The following TANC2 variants were observed in gnomAD, a reference collection of about 807,000 sequenced individuals.
TANC2 encodes the protein protein TANC2.
In TANC2, 26 loss-of-function variants were observed where a neutral mutation model predicts 210.5. The ratio of observed to expected loss-of-function variants is 0.12; its 90% CI spans 0.09 to 0.17. The LOEUF is 0.17. TANC2 is among the 10% of genes least tolerant of loss of function. The probability of loss-of-function intolerance (pLI) is 1.00; values close to 1 mark genes in which losing one functional copy is unlikely to be tolerated. For missense variants in TANC2, 2,129 were observed against 2,608.9 expected (o/e 0.82, Z 4.01); for synonymous variants, 931 against 967.1 (o/e 0.96, Z 0.69).
At chr17:63,400,719 C>T (rs2048317259) in intron 19 of TANC2, among the ~76,000 whole-genome samples, 1 of 151,934 alleles carries the variant, frequency 6.6e-6, no homozygotes, top group Admixed American at 6.6e-5. Context: ...TCTCGGCTCA[C>T]TGCAACCTCT....
chr17:63,427,277 T>C (rs1291226079), exon 28 of TANC2: 1 of 152,278 alleles, frequency 6.6e-6, no homozygotes, highest in East Asian at 1.9e-4. Context: ...TGTACTAATA[T>C]GATTTTGATT....
intron 2 of TANC2, among the ~76,000 whole-genome samples, chr17:63,050,004 G>A (rs181875850): frequency 1.3e-5 from 2 of 152,114 alleles, no homozygotes; most frequent in Non-Finnish European, 2.9e-5. Flanking sequence ...AGAGGAGCAG[G>A]TTCCTGGAGG....
At chr17:63,393,659 G>A (rs963014437) in intron 17 of TANC2, 2 of 152,004 alleles carry the variant, frequency 1.3e-5, no homozygotes, top group Admixed American at 6.6e-5. Context: ...ATATCTTTTA[G>A]GGTTATGCTT....
chr17:63,276,743 T>A (rs910537445), intron 9 of TANC2, among the ~76,000 whole-genome samples: 12 of 152,150 alleles, frequency 7.9e-5, no homozygotes, highest in African/African-American at 2.9e-4. Flanking sequence ...AAGACAAATG[T>A]TAACAGTGAG....
intron 8 of TANC2, among the ~76,000 whole-genome samples, chr17:63,260,937 A>G (rs1027129933): frequency 4.6e-5 from 7 of 151,932 alleles, no homozygotes; most frequent in Admixed American, 3.9e-4. Flanking sequence ...ATTTGATAAT[A>G]TAAATAATTG....
chr17:63,080,208 C>T (rs1039321412), intron 3 of TANC2, among the ~76,000 whole-genome samples: 27 of 152,046 alleles, frequency 1.8e-4, no homozygotes, highest in African/African-American at 5.6e-4. Context: ...TCCTGGAATT[C>T]GGATTCTGTA....
chr17:63,420,677 G>T lies in TANC2; in HGVS notation c.4947G>T (p.Gln1649His), dbSNP rs747257403. Residue 1649 changes from glutamine to histidine, a missense_variant, in exon 28 of 28, where the codon CAG (glutamine) becomes CAT (histidine). By Grantham distance (24) the Gln-to-His change is conservative. Around this residue, in one of 5 missense-constraint regions of TANC2, gnomAD observed 584 missense variants for 627.3 expected, o/e 0.93. Transcript: ENST00000689528. This position sits in a 1 kb window ranked among gnomAD's most constrained non-coding sequence, Gnocchi z 4.2. ...AGTCTGGTTCACCCGTGCGCTATCA[G>T]CAGGAAACAAGCGTCAGTCAGCTTC... The T allele has an allele frequency of 6.2e-7, 1 of 1,613,748 alleles. No homozygotes were observed. The highest frequency in any genetic ancestry group is 8.5e-7 in the Non-Finnish European group (1 of 1,179,764).
At chr17:63,146,721 G>A (rs1409496414) in intron 4 of TANC2, among the ~76,000 whole-genome samples, 1 of 151,834 alleles carries the variant, frequency 6.6e-6, no homozygotes, top group East Asian at 1.9e-4. Flanking sequence ...TTATTTTAAT[G>A]CCCTTATATT....
At chr17:63,333,498 T>C (rs1227014610) in intron 11 of TANC2, among the ~76,000 whole-genome samples, 4 of 152,178 alleles carry the variant, frequency 2.6e-5, no homozygotes, top group South Asian at 2.1e-4. Flanking sequence ...TTGCTTCCTA[T>C]GGAAGAGCAA....
chr17:63,116,161 T>C (rs967214866), intron 4 of TANC2, among the ~76,000 whole-genome samples: 1 of 152,212 alleles, frequency 6.6e-6, no homozygotes, highest in African/African-American at 2.4e-5. Context: ...CACAGAGATA[T>C]GATATAGAAC....
chr17:63,162,602 A>G (rs1458066532), intron 5 of TANC2, among the ~76,000 whole-genome samples: 5 of 152,158 alleles, frequency 3.3e-5, no homozygotes, highest in Non-Finnish European at 1.5e-5. Flanking sequence ...AAAAGCAAAA[A>G]TGAAGGGGTT....
intron 21 of TANC2, among the ~76,000 whole-genome samples, chr17:63,410,455 G>A (rs561596301): frequency 2.0e-5 from 3 of 151,170 alleles, no homozygotes; most frequent in South Asian, 4.2e-4. Context: ...GTGTCCTCTC[G>A]TGTTTATTTC....
intron 4 of TANC2, among the ~76,000 whole-genome samples, chr17:63,115,037 C>A (rs954749299): frequency 6.6e-6 from 1 of 152,150 alleles, no homozygotes; most frequent in Non-Finnish European, 1.5e-5. Flanking sequence ...CTCTCTAATG[C>A]AAAGATCTGC....
At chr17:63,303,081 G>A (rs1047716330) in intron 9 of TANC2, among the ~76,000 whole-genome samples, 5 of 151,940 alleles carry the variant, frequency 3.3e-5, no homozygotes, top group African/African-American at 4.8e-5. Context: ...TTTTAATTGG[G>A]GCATTTAGTC....
chr17:63,322,601 A>G lies in TANC2; in HGVS notation c.1575+3511A>G, dbSNP rs1375792930. 7.2e-5 allele frequency among the ~76,000 whole-genome samples: 11 copies of G among 152,390 alleles called. No individual in the cohort carries two copies. The East Asian group carries it at 2.1e-3, about 29-fold the overall frequency. On this transcript the variant is annotated intron_variant, in intron 11 of 27. Coordinates refer to ENST00000689528, the Ensembl canonical transcript of TANC2. ...ATTCAGTTATTCAGTTTAGATATAC[A>G]TTTGAAGGACCTATAGTCCAGGACT...
chr17:63,393,244 G>A (rs117056951), intron 17 of TANC2: 2 of 152,004 alleles, frequency 1.3e-5, no homozygotes, highest in Non-Finnish European at 2.9e-5. Context: ...TATATTTTTG[G>A]CAAGAATACC....
intron 2 of TANC2, among the ~76,000 whole-genome samples, chr17:63,066,394 G>A (rs1481066171): frequency 6.6e-6 from 1 of 152,108 alleles, no homozygotes; most frequent in Non-Finnish European, 1.5e-5. Flanking sequence ...GCAGGGTCTA[G>A]CCTGGAGCCT....
At chr17:63,403,789 T>C (rs2048414714) in intron 19 of TANC2, among the ~76,000 whole-genome samples, 1 of 152,234 alleles carries the variant, frequency 6.6e-6, no homozygotes, top group South Asian at 2.1e-4. Flanking sequence ...CATAAGTCCT[T>C]CTTATCCTTG....
chr17:63,118,190 T>C (rs2038325293), intron 4 of TANC2, among the ~76,000 whole-genome samples: 2 of 152,354 alleles, frequency 1.3e-5, no homozygotes, highest in South Asian at 4.1e-4. Flanking sequence ...GCTTTCTTAA[T>C]ACATAAAATC....
Sources: gnomAD v4.1 joint callset for allele counts (sites outside exome capture counted in the v4.1 genomes callset) on GRCh38, gnomAD v4.1.1 for gene constraint, gnomAD v4.1.1 regional missense constraint, Gnocchi (gnomAD v3.1) non-coding constraint, MANE v1.5 for transcripts, NCBI Gene and HGNC (gene_info 2026-07-23, HGNC 2026-07-21) for gene names.